MAP3K9: variants seen among roughly 807,000 people sequenced by gnomAD.
MAP3K9 encodes the protein mitogen-activated protein kinase kinase kinase 9.
MAP3K9 carries 46 observed loss-of-function variants against 95.8 expected under a neutral mutation model. The observed-to-expected ratio is 0.48, with a 90% CI of 0.38 to 0.61. The LOEUF is 0.61. MAP3K9 is among the 20% of genes least tolerant of loss of function. MAP3K9 has a pLI of 0.00. For missense variants in MAP3K9, 1,296 were observed against 1,474.3 expected, an observed-to-expected ratio of 0.88 and a Z score of 1.98; for synonymous variants, 533 against 593.8, an observed-to-expected ratio of 0.90 and a Z score of 1.49.
intron 2 of MAP3K9, among the ~76,000 whole-genome samples, chr14:70,776,116 G>A (rs1287544564): frequency 1.3e-5 from 2 of 152,164 alleles, no homozygotes; most frequent in Non-Finnish European, 2.9e-5. Context: ...TTGAACCCGG[G>A]AGGTGGAGGT....
chr14:70,760,450 A>G (rs972470164), intron 3 of MAP3K9, among the ~76,000 whole-genome samples: 5 of 151,910 alleles, frequency 3.3e-5, no homozygotes, highest in South Asian at 2.1e-4. Context: ...TTTTTTTCTG[A>G]TTTCTGGATC....
At chr14:70,795,195 A>G (rs1283575776) in intron 2 of MAP3K9, among the ~76,000 whole-genome samples, 1 of 151,022 alleles carries the variant, frequency 6.6e-6, no homozygotes, top group African/African-American at 2.4e-5. Flanking sequence ...ATGGGGTTTC[A>G]CTATGATGGC....
rs2054768198 is a variant in MAP3K9, at chr14:70,788,145, A to G, written c.820+12522T>C. 2.6e-5 allele frequency among the ~76,000 whole-genome samples: 4 copies of G among 152,112 alleles called. 1 individual carries two copies. In the South Asian group the frequency reaches 8.3e-4, roughly 32 times the overall value. Reference sequence around the variant, plus strand: ...TTTCTGGAGACAGACTTTTCTTTGTATTTCAATTTTGTCCTATTTTTACCC... The same window carrying G: ...TTTCTGGAGACAGACTTTTCTTTGTGTTTCAATTTTGTCCTATTTTTACCC... On this transcript the variant is annotated intron_variant, in intron 2 of 11. Transcript: ENST00000554752.
intron 6 of MAP3K9, among the ~76,000 whole-genome samples, chr14:70,741,017 T>C (rs1040996872): frequency 6.6e-6 from 1 of 152,186 alleles, no homozygotes; most frequent in African/African-American, 2.4e-5. Context: ...CCCTTATCTG[T>C]ACTTAATTAA....
At chr14:70,762,136 TC>T (rs1166891702) in intron 2 of MAP3K9, among the ~76,000 whole-genome samples, 3 of 152,234 alleles carry the variant, frequency 2.0e-5, no homozygotes. Flanking sequence ...TTACAGTTTA[TC>T]CTTTTGTCCA....
At chr14:70,747,086 T>C (rs1179589963) in intron 5 of MAP3K9, among the ~76,000 whole-genome samples, 2 of 152,268 alleles carry the variant, frequency 1.3e-5, no homozygotes, top group African/African-American at 4.8e-5. Context: ...AGAATTGCTA[T>C]GTTCCATAAA....
intron 2 of MAP3K9, among the ~76,000 whole-genome samples, chr14:70,782,081 T>C (rs1419660255): frequency 6.6e-6 from 1 of 152,170 alleles, no homozygotes; most frequent in African/African-American, 2.4e-5. Context: ...GGCCTAATTG[T>C]TCCATCAAGG....
At chr14:70,744,157 C>T (rs1051602846) in intron 5 of MAP3K9, among the ~76,000 whole-genome samples, 17 of 151,974 alleles carry the variant, frequency 1.1e-4, no homozygotes, top group South Asian at 2.1e-4. Context: ...ACAATGAGAA[C>T]GCATGGACAC....
In MAP3K9 at chr14:70,809,237, A is replaced by C. The variant is rs1566774928; in HGVS notation, c.-66T>G. 2.1e-5 allele frequency: 27 copies of C among 1,277,460 alleles called. No homozygotes were observed. The highest frequency in any genetic ancestry group is 2.9e-4 in the Middle Eastern group (1 of 3,456). 79.1% of individuals were successfully genotyped at this position (1,277,460 alleles called of 1,614,324 possible). A position where few individuals can be genotyped will look rare whatever the true frequency, so the allele number is the denominator to read the frequency against. On this transcript the variant is annotated 5_prime_UTR_variant, in exon 1 of 12. It removes an upstream start codon present in the reference 5' UTR. Coordinates refer to ENST00000554752, the MANE Select transcript of MAP3K9 (RefSeq NM_001284230.2). Reference sequence around the variant, plus strand: ...CAGGAGCCGCCGCCGCCTATTGTTCATGCGCCTCCGCAGAGCTGGGAGGAC... The same window carrying C: ...CAGGAGCCGCCGCCGCCTATTGTTCCTGCGCCTCCGCAGAGCTGGGAGGAC...
chr14:70,807,235 T>C (rs919540857), intron 1 of MAP3K9, among the ~76,000 whole-genome samples: 2 of 152,248 alleles, frequency 1.3e-5, no homozygotes, highest in Non-Finnish European at 2.9e-5. Context: ...CTCACGCCTG[T>C]AATCCAACAC....
rs555763754 is a variant in MAP3K9 at position 70,730,655 on chromosome 14, G to C, written c.3040C>G (p.His1014Asp). The part of the protein sequence containing the change: ...LDPWWFVSPS[H>D]ARSTSPANSS... ...TTGGCTGGGGAGGTGCTGCGGGCAT[G>C]GCTGGGGGACACAAACCACCAAGGG... Residue 1014 changes from histidine to aspartate, a missense_variant, in exon 12 of 12, where the codon CAT becomes GAT. Around this residue, in one of 5 missense-constraint regions of MAP3K9, gnomAD observed 433 missense variants for 441.4 expected, o/e 0.98. Coordinates refer to ENST00000554752, the MANE Select transcript of MAP3K9 (RefSeq NM_001284230.2). 5 of 1,613,772 alleles carry C rather than the reference G, an allele frequency of 3.1e-6. No homozygotes were observed. The South Asian group carries it at 5.5e-5, about 18-fold the overall frequency.
intron 3 of MAP3K9, among the ~76,000 whole-genome samples, chr14:70,760,492 T>C (rs985562903): frequency 2.0e-5 from 3 of 152,126 alleles, no homozygotes; most frequent in East Asian, 1.9e-4. Flanking sequence ...GACTAAAAGA[T>C]GAACTAGATA....
At chr14:70,805,722 C>A (rs1175987455) in intron 1 of MAP3K9, among the ~76,000 whole-genome samples, 1 of 152,078 alleles carries the variant, frequency 6.6e-6, no homozygotes, top group Non-Finnish European at 1.5e-5. Context: ...AGTTTGAAAC[C>A]AGCCTGGGCA....
rs374413255 is a variant in MAP3K9, at chr14:70,800,949, C to T, written c.538G>A (p.Asp180Asn). The change falls in exon 2 of 12, where the codon GAC becomes AAC. Residue 180 changes from aspartate (D) to asparagine (N), a missense_variant. Transcript: ENST00000554752. ...ACATTCTCTATGGTCTGGCTGATGT[C>T]CTCATCAGGGTCGTGGCGAGCTGCT... ...VKAARHDPDE[D>N]ISQTIENVRQ... 6.2e-7 allele frequency: 1 copy of T among 1,614,172 alleles called. No individual in the cohort carries two copies. The highest frequency in any genetic ancestry group is 1.7e-5 in the Admixed American group (1 of 60,016).
At chr14:70,773,983 T>C (rs548749325) in intron 2 of MAP3K9, among the ~76,000 whole-genome samples, 1 of 152,250 alleles carries the variant, frequency 6.6e-6, no homozygotes, top group East Asian at 1.9e-4. Context: ...CACAGACATA[T>C]CAAAATTGCA....
At position 70,740,047 on chromosome 14, in the gene MAP3K9, A is replaced by G; in HGVS notation, c.1685T>C (p.Ile562Thr). ...AATTTGGGAAACAGTCTCACACTGG[A>G]TGGCTCGAAGGCGAGGAATGATGGT... Reference protein sequence around the residue: ...SPTIIPRLRAIQLTPGESSKT... With the variant: ...SPTIIPRLRATQLTPGESSKT... Residue 562 changes from isoleucine (I) to threonine (T), a missense_variant, in exon 7 of 12, where the codon ATC becomes ACC. By Grantham distance (89) the Ile-to-Thr change is moderately conservative (BLOSUM62 -1). This residue lies in a region of MAP3K9 where 377 missense variants were observed against 417.1 expected (regional missense o/e 0.90). Transcript: ENST00000554752. 6.2e-7 allele frequency: 1 copy of G among 1,614,188 alleles called. No individual in the cohort carries two copies. Among genetic ancestry groups the G allele is most frequent in the Non-Finnish European group, 8.5e-7 (1 of 1,180,030 alleles).
intron 2 of MAP3K9, among the ~76,000 whole-genome samples, chr14:70,786,769 TAAGC>T (rs2054749831): frequency 6.6e-6 from 1 of 152,228 alleles, no homozygotes; most frequent in Non-Finnish European, 1.5e-5. Context: ...AAGGTTCCAG[TAAGC>T]TCTAATCATA....
chr14:70,748,480 A>T (rs2054179966), intron 5 of MAP3K9, among the ~76,000 whole-genome samples: 1 of 152,248 alleles, frequency 6.6e-6, no homozygotes. Context: ...ATGTTCTGAT[A>T]ACTATCCTCA....
rs2053876845 is a variant in MAP3K9 at position 70,730,318 on chromosome 14, T to G, written c.*62A>C. The stretch of plus-strand genomic sequence containing the variant: ...GGGGTCCAACCCTGAGAAAGGGCTG[T>G]GCCCGCCAGCTCCCCTCATCTCCGC... On this transcript the variant is annotated 3_prime_UTR_variant, in exon 12 of 12. Transcript: ENST00000554752. 1.6e-5 allele frequency: 25 copies of G among 1,553,140 alleles called. 1 individual carries two copies. In the South Asian group the frequency reaches 2.8e-4, roughly 18 times the overall value.
Sources: gnomAD v4.1 joint callset for allele counts (sites outside exome capture counted in the v4.1 genomes callset) on GRCh38, gnomAD v4.1.1 for gene constraint, gnomAD v4.1.1 regional missense constraint, MANE v1.5 for transcripts, NCBI Gene and HGNC (gene_info 2026-07-23, HGNC 2026-07-21) for gene names.